The following ZFYVE26 variants were observed in gnomAD, a reference collection of about 807,000 sequenced individuals.
ZFYVE26 encodes the protein zinc finger FYVE-type containing 26, also known as zinc finger FYVE domain-containing protein 26.
Under a neutral mutation model 276.5 loss-of-function variants are expected in ZFYVE26, and 181 were observed. The observed-to-expected ratio is 0.65, with a 90% CI of 0.58 to 0.74. The LOEUF is 0.74. Ranked by LOEUF, ZFYVE26 falls within the 30% of genes least tolerant of loss-of-function variation. The pLI is 0.00. For synonymous variants in ZFYVE26, 1,129 were observed against 1,203.1 expected (o/e 0.94, Z 1.27); for missense variants, 2,821 against 3,097.9 (o/e 0.91, Z 2.12).
chr14:67,793,591 G>C lies in ZFYVE26; in HGVS notation c.2553+17C>G. 6.2e-7 allele frequency: 1 copy of C among 1,612,448 alleles called. No homozygotes were observed. The highest frequency in any genetic ancestry group is 8.5e-7 in the Non-Finnish European group (1 of 1,179,354). ...GCTAAGTCATTCAGGGGCTGAAAAG[G>C]TATGGCCTCCCCTCACCTGATGGGC... On this transcript the variant is annotated intron_variant, in intron 14 of 41. Transcript: ENST00000347230.
At position 67,782,856 on chromosome 14, in the gene ZFYVE26, G is replaced by A; in HGVS notation, c.4296C>T (p.Leu1432=). Residue 1432 remains leucine (L), a synonymous_variant, in exon 21 of 42, where the codon CTC becomes CTT. Coordinates refer to ENST00000347230, the MANE Select transcript of ZFYVE26 (RefSeq NM_015346.4). ...VARDWSRALQ[L]TEVYGRDVDD... is the part of the protein sequence containing the mutation. ...CCACATCTCGCCCGTACACTTCAGT[G>A]AGCTGAAGGGCCCGGGACCAATCTC... 6.2e-7 allele frequency: 1 copy of A among 1,614,206 alleles called. No individual in the cohort carries two copies.
intron 15 of ZFYVE26, among the ~76,000 whole-genome samples, chr14:67,790,315 G>C (rs930532749): frequency 6.6e-6 from 1 of 152,234 alleles, no homozygotes; most frequent in Non-Finnish European, 1.5e-5. Context: ...GTTAAAAACA[G>C]CATTCACAGG....
At position 67,755,269 on chromosome 14, in the gene ZFYVE26, T is replaced by G. The variant is rs377036663; in HGVS notation, c.6787-19A>C. On this transcript the variant is annotated intron_variant, in intron 36 of 41. Coordinates refer to ENST00000347230, the MANE Select transcript of ZFYVE26 (RefSeq NM_015346.4). ...CTTGGTCCTAGAAGAGGAAAATAAA[T>G]GTTCAGGTCAAAGTAGATCAGGGGT... 1 of 1,613,760 alleles carries G rather than the reference T, an allele frequency of 6.2e-7. No individual in the cohort carries two copies. The highest frequency in any genetic ancestry group is 8.5e-7 in the Non-Finnish European group (1 of 1,179,954).
downstream of ZFYVE26, among the ~76,000 whole-genome samples, chr14:67,742,460 T>C (rs2140170721): frequency 6.6e-6 from 1 of 152,372 alleles, no homozygotes; most frequent in Non-Finnish European, 1.5e-5. Flanking sequence ...GATCCTAGGC[T>C]CTGTATCTGC....
chr14:67,740,994 T>C (rs1393661183), intron 13 of ZFYVE26, among the ~76,000 whole-genome samples: 1 of 152,164 alleles, frequency 6.6e-6, no homozygotes, highest in African/African-American at 2.4e-5. Flanking sequence ...CATTGGAATA[T>C]GAAGAAGGAC....
chr14:67,764,035 C>T (rs2038998328), intron 32 of ZFYVE26, among the ~76,000 whole-genome samples: 1 of 152,172 alleles, frequency 6.6e-6, no homozygotes, highest in South Asian at 2.1e-4. Context: ...TTGACATCCT[C>T]ACCCTGGGTT....
rs117284317 is a variant in ZFYVE26, at chr14:67,752,264, T to C, written c.7371+80A>G. 27 of 1,502,688 alleles carry C rather than the reference T, an allele frequency of 1.8e-5. No homozygotes were observed. The East Asian group carries it at 6.1e-4, about 34-fold the overall frequency. 93.1% of individuals were successfully genotyped at this position (1,502,688 alleles called of 1,614,324 possible). A position where few individuals can be genotyped will look rare whatever the true frequency, so the allele number is the denominator to read the frequency against. On this transcript the variant is annotated intron_variant, in intron 40 of 41. Transcript: ENST00000347230. ...ATCTTGTAGAGTTTCAGGCACATTATGGAAAACAGAACAATAAAGATGGGG... is the reference window on the plus strand; with the variant it reads ...ATCTTGTAGAGTTTCAGGCACATTACGGAAAACAGAACAATAAAGATGGGG...
chr14:67,758,241 G>T (rs2038839233), intron 35 of ZFYVE26, among the ~76,000 whole-genome samples: 4 of 152,108 alleles, frequency 2.6e-5, no homozygotes, highest in Admixed American at 2.0e-4. Context: ...TGAGGGTTAG[G>T]GGCTTCTTTC....
At chr14:67,778,594 T>C (rs892983846) in intron 23 of ZFYVE26, among the ~76,000 whole-genome samples, 2 of 152,224 alleles carry the variant, frequency 1.3e-5, no homozygotes, top group Non-Finnish European at 2.9e-5. Context: ...TTTAAAATCA[T>C]AAAATTTCTG....
In ZFYVE26 at chr14:67,804,282, G is replaced by C; in HGVS notation, c.1272-18C>G. On this transcript the variant is annotated intron_variant, in intron 8 of 41. Coordinates refer to ENST00000347230, the MANE Select transcript of ZFYVE26 (RefSeq NM_015346.4). ...TGGGGTTGCTGAATGGAAAAGTTGGGAGGATGGAAGAGAGGCAGTTTATAT... is the reference window on the plus strand; with the variant it reads ...TGGGGTTGCTGAATGGAAAAGTTGGCAGGATGGAAGAGAGGCAGTTTATAT... 6.2e-7 allele frequency: 1 copy of C among 1,614,032 alleles called. No individual in the cohort carries two copies. Among genetic ancestry groups the C allele is most frequent in the East Asian group, 2.2e-5 (1 of 44,882 alleles).
intron 13 of ZFYVE26, among the ~76,000 whole-genome samples, chr14:67,735,628 A>C (rs1298435610): frequency 3.3e-5 from 5 of 152,210 alleles, no homozygotes; most frequent in African/African-American, 4.8e-5. Context: ...ATCCTGGATG[A>C]GAAGGGCTCA....
rs2039234490 is a variant in ZFYVE26 at position 67,772,357 on chromosome 14, A to G, written c.5321-147T>C. ...GATCATCAGTGACTGTTTGTGTCATAAAAGAGAGACAACTGAACATTGTGT... is the reference window on the plus strand; with the variant it reads ...GATCATCAGTGACTGTTTGTGTCATGAAAGAGAGACAACTGAACATTGTGT... On this transcript the variant is annotated intron_variant, in intron 27 of 41. Transcript: ENST00000347230. 4.1e-6 allele frequency: 4 copies of G among 970,286 alleles called. No individual in the cohort carries two copies. In the East Asian group the frequency reaches 1.1e-4, roughly 26 times the overall value. The allele number at this position is 970,286 out of a possible 1,614,324, so 60.1% of individuals were successfully genotyped here.
At chr14:67,749,073 G>A (rs1474882364) in intron 41 of ZFYVE26, among the ~76,000 whole-genome samples, 1 of 152,182 alleles carries the variant, frequency 6.6e-6, no homozygotes, top group Non-Finnish European at 1.5e-5. Flanking sequence ...ATGAGGGCAA[G>A]AGTAGTGTCT....
At chr14:67,798,995 C>T (rs570402631) in intron 10 of ZFYVE26, 12 of 1,142,424 alleles carry the variant, frequency 1.1e-5, no homozygotes, top group Non-Finnish European at 1.5e-5. Flanking sequence ...TACGGATACT[C>T]TCTGCCCTCA....
chr14:67,779,567 T>C (rs561784682), intron 23 of ZFYVE26, among the ~76,000 whole-genome samples: 6 of 151,874 alleles, frequency 4.0e-5, no homozygotes, highest in African/African-American at 1.2e-4. Flanking sequence ...ATCTCAAAAA[T>C]AATAATAAAA....
intron 12 of ZFYVE26, 192 bp downstream of exon 12, chr14:67,797,480 T>A: frequency 1.5e-6 from 1 of 671,382 alleles, no homozygotes; most frequent in South Asian, 1.6e-5. Flanking sequence ...AGGATATACA[T>A]GTTTATATTG....
rs773400590 is a variant in ZFYVE26, at chr14:67,785,059, C to T, written c.3523G>A (p.Asp1175Asn). ...VLLQSLSSEP[D>N]HVEVKVGNPF... ...CTATTGCCTCTTTCTTGCTACCTAC[C>T]AGGCTCAGAGCTCAAACTTTGAAGG... The change falls in exon 19 of 42, where the codon GAT becomes AAT. Residue 1175 changes from aspartate (D) to asparagine (N), a missense_variant and splice_region_variant. By Grantham distance (23) the Asp-to-Asn change is conservative. Coordinates refer to ENST00000347230, the MANE Select transcript of ZFYVE26 (RefSeq NM_015346.4). 16 of 1,614,048 alleles carry T rather than the reference C, an allele frequency of 9.9e-6. No homozygotes were observed. Among genetic ancestry groups the T allele is most frequent in the Non-Finnish European group, 4.2e-6 (5 of 1,180,040 alleles).
intron 39 of ZFYVE26, 100 bp downstream of exon 39, chr14:67,753,607 C>T (rs549591587): frequency 3.1e-5 from 40 of 1,306,100 alleles, no homozygotes; most frequent in Non-Finnish European, 4.3e-6. Context: ...CATGTAAATC[C>T]ACTTTTCTTG....
chr14:67,797,833 G>A (rs1594929787), intron 11 of ZFYVE26, 78 bp from the exon 12 acceptor site: 5 of 1,592,624 alleles, frequency 3.1e-6, no homozygotes, highest in East Asian at 4.5e-5. Flanking sequence ...AACAGGTTGG[G>A]GAAGGTTTGC....
Sources: allele counts gnomAD v4.1 joint callset (sites outside exome capture counted in the v4.1 genomes callset), GRCh38; gene constraint gnomAD v4.1.1; transcripts MANE v1.5; gene names NCBI Gene and HGNC (gene_info 2026-07-23, HGNC 2026-07-21).